Variants in GFI1B observed in about 807,000 individuals in gnomAD.
The protein encoded by GFI1B is zinc finger protein Gfi-1b.
A neutral mutation model predicts 35.3 loss-of-function variants in GFI1B; 20 were observed. The observed-to-expected ratio is 0.57, with a 90% confidence interval of 0.40 to 0.82. The LOEUF is 0.82. Among genes scored for constraint, GFI1B ranks in the 40% least tolerant of loss-of-function variants. The pLI is 0.00. For missense variants in GFI1B, 430 were observed against 446.3 expected (o/e 0.96, Z 0.33); for synonymous variants, 178 against 177.6 (o/e 1.00, Z -0.02).
chr9:132,962,872 G>T (rs1191622091), intron 1 of GFI1B, among the ~76,000 whole-genome samples: 2 of 148,262 alleles, frequency 1.3e-5, no homozygotes, highest in African/African-American at 5.0e-5. Flanking sequence ...GGAGTTTGAG[G>T]CCAGCCTAGC....
chr9:132,972,040 C>T (rs986060803), intron 1 of GFI1B, among the ~76,000 whole-genome samples: 4 of 149,846 alleles, frequency 2.7e-5, no homozygotes, highest in East Asian at 2.0e-4. Flanking sequence ...TTTGGGAGGC[C>T]GAGGTGGGCA....
rs767365447 is a variant in GFI1B, at chr9:132,986,667, T to C, written c.-12T>C. Reference sequence around the variant, plus strand: ...ATCCCTCCCCCTTGCAGGTGTGGGGTGCACACTGAAAATGCCACGCTCCTT... The same window carrying C: ...ATCCCTCCCCCTTGCAGGTGTGGGGCGCACACTGAAAATGCCACGCTCCTT... On this transcript the variant is annotated 5_prime_UTR_variant, in exon 2 of 7. Coordinates refer to ENST00000372122, the MANE Select transcript of GFI1B (RefSeq NM_001377304.1). The C allele has an allele frequency of 1.3e-6, 2 of 1,562,596 alleles. No individual in the cohort carries two copies. Among genetic ancestry groups the C allele is most frequent in the South Asian group, 1.1e-5 (1 of 88,536 alleles).
intron 1 of GFI1B, among the ~76,000 whole-genome samples, chr9:132,979,297 C>G (rs564396862): frequency 2.3e-5 from 3 of 132,238 alleles, no homozygotes; most frequent in South Asian, 2.4e-4. Flanking sequence ...GACTCTGGAG[C>G]GCAGTGGTGC....
chr9:132,971,091 C>T (rs143603606), intron 1 of GFI1B, among the ~76,000 whole-genome samples: 3 of 152,204 alleles, frequency 2.0e-5, no homozygotes, highest in Non-Finnish European at 4.4e-5. Flanking sequence ...TCTTGAACTC[C>T]TGGGCTCAAG....
intron 3 of GFI1B, 123 bp from the exon 4 acceptor site, chr9:132,988,074 G>T (rs907385927): frequency 3.6e-6 from 3 of 842,032 alleles, no homozygotes; most frequent in Non-Finnish European, 6.1e-6. Flanking sequence ...TTGAACTCCC[G>T]ACCTCAAGTG....
At chr9:132,972,537 C>T (rs1162979093) in intron 1 of GFI1B, among the ~76,000 whole-genome samples, 5 of 152,110 alleles carry the variant, frequency 3.3e-5, no homozygotes, top group Admixed American at 1.3e-4. Context: ...CTGCAGTGAG[C>T]CATGATGGAG....
At chr9:132,964,743 CTTTT>C (rs71376675) in intron 1 of GFI1B, among the ~76,000 whole-genome samples, 1,154 of 107,740 alleles carry the variant, frequency 0.011, 8 homozygotes, top group African/African-American at 0.037. Flanking sequence ...ATTTTTCTTC[CTTTT>C]TTTTTTTTTT....
chr9:132,979,513 A>G (rs1052591329), intron 1 of GFI1B, among the ~76,000 whole-genome samples: 1 of 152,122 alleles, frequency 6.6e-6, no homozygotes, highest in Non-Finnish European at 1.5e-5. Context: ...TGTTGGGATT[A>G]CAGGCATTAG....
intron 1 of GFI1B, among the ~76,000 whole-genome samples, chr9:132,958,633 A>C (rs1848318891): frequency 6.6e-6 from 1 of 152,068 alleles, no homozygotes; most frequent in African/African-American, 2.4e-5. Flanking sequence ...CACCTCCAAT[A>C]TTGGGGATTA....
intron 1 of GFI1B, among the ~76,000 whole-genome samples, chr9:132,968,435 T>C (rs1163920671): frequency 6.6e-6 from 1 of 152,188 alleles, no homozygotes; most frequent in Non-Finnish European, 1.5e-5. Context: ...AATATATGTA[T>C]TTTTAACATT....
chr9:132,953,541 C>T (rs1848233944), intron 1 of GFI1B: 1 of 152,372 alleles, frequency 6.6e-6, no homozygotes. Context: ...GTAGTCCCAG[C>T]TACTTGGGAG....
chr9:132,989,189 C>G lies in GFI1B; in HGVS notation c.639C>G (p.Val213=). 1 of 1,613,218 alleles carries G rather than the reference C, an allele frequency of 6.2e-7. No homozygotes were observed. The highest frequency in any genetic ancestry group is 1.1e-5 in the South Asian group (1 of 91,074). The stretch of plus-strand genomic sequence containing the variant: ...TGAGCCTGGAGCAGCACACGCACGT[C>G]CACTCCCAGGTGGGCACCTGGCCCA... ...HAVSLEQHTH[V]HSQERSFECR... is the part of the protein sequence containing the mutation. The change falls in exon 5 of 7, where the codon GTC becomes GTG. Residue 213 remains valine (V), a synonymous_variant. Transcript: ENST00000372122. The surrounding 1 kb of genome is among the most constrained non-coding windows in gnomAD (Gnocchi z 6.2).
intron 2 of GFI1B, among the ~76,000 whole-genome samples, chr9:132,973,687 A>C (rs560732027): frequency 6.6e-6 from 1 of 152,330 alleles, no homozygotes; most frequent in Middle Eastern, 3.4e-3. Context: ...CATTCCAGAC[A>C]AGGGGAACAG....
intron 1 of GFI1B, among the ~76,000 whole-genome samples, chr9:132,949,344 C>A (rs930643943): frequency 6.8e-6 from 1 of 146,428 alleles, no homozygotes; most frequent in Non-Finnish European, 1.5e-5. Context: ...CACACACATA[C>A]ACACACACAC....
upstream of GFI1B, among the ~76,000 whole-genome samples, chr9:132,975,960 G>A (rs1300569066): frequency 1.3e-5 from 2 of 152,194 alleles, no homozygotes; most frequent in East Asian, 1.9e-4. Flanking sequence ...TATGCCAGGG[G>A]ACTGGCTGCC....
rs1183119884 is a variant in GFI1B at position 132,967,402 on chromosome 9, C to T, written c.-700-5323C>T. On this transcript the variant is annotated intron_variant, in intron 1 of 10. Coordinates refer to the GFI1B transcript ENST00000339463. ...AATGCTGAACCTTCTACTGGACTGGCCTGGGCTCTTTTAGGGGGAAAAAAT... is the reference window on the plus strand; with the variant it reads ...AATGCTGAACCTTCTACTGGACTGGTCTGGGCTCTTTTAGGGGGAAAAAAT... Among the ~76,000 whole-genome samples, 6 of 152,232 alleles carry T rather than the reference C, an allele frequency of 3.9e-5. No individual in the cohort carries two copies. In the East Asian group the frequency reaches 9.6e-4, roughly 24 times the overall value.
chr9:132,960,604 C>G lies in GFI1B; in HGVS notation c.-700-12121C>G, dbSNP rs1483847093. 2.0e-5 allele frequency among the ~76,000 whole-genome samples: 3 copies of G among 152,086 alleles called. No individual in the cohort carries two copies. In the East Asian group the frequency reaches 5.8e-4, roughly 30 times the overall value. ...CTCGAGCTCCTGGGCTCAAGTGGTC[C>G]TCCCAACTCAGCCTCCCAAAGAGCT... is the stretch of plus-strand genomic sequence containing the variant. On this transcript the variant is annotated intron_variant, in intron 1 of 10. Coordinates refer to the GFI1B transcript ENST00000339463.
At chr9:132,974,128 A>T (rs1228882527), upstream of GFI1B, among the ~76,000 whole-genome samples, 1 of 150,186 alleles carries the variant, frequency 6.7e-6, no homozygotes, top group Non-Finnish European at 1.5e-5. Flanking sequence ...TGATGGAGAG[A>T]GAGTCATTCA....
intron 1 of GFI1B, among the ~76,000 whole-genome samples, chr9:132,983,583 T>C (rs1848914621): frequency 6.6e-6 from 1 of 152,202 alleles, no homozygotes. Context: ...CCTCTGACAG[T>C]GCTGGGTGGC....
Sources: allele counts gnomAD v4.1 joint callset (sites outside exome capture counted in the v4.1 genomes callset), GRCh38; gene constraint gnomAD v4.1.1; non-coding constraint Gnocchi (gnomAD v3.1); transcripts MANE v1.5; gene names NCBI Gene and HGNC (gene_info 2026-07-23, HGNC 2026-07-21).